IGSF5: variants seen among roughly 807,000 people sequenced by gnomAD.
The protein encoded by IGSF5 is immunoglobulin superfamily member 5, also known as immunoglobulin superfamily 5 like.
A neutral mutation model predicts 39.4 loss-of-function variants in IGSF5; 41 were observed. The observed-to-expected ratio is 1.04, with a 90% confidence interval of 0.81 to 1.35. The LOEUF (loss-of-function observed/expected upper bound fraction) is 1.35, where lower values mean the gene tolerates loss of function less well. IGSF5 is among the 40% of genes most tolerant of loss of function. The probability of loss-of-function intolerance (pLI) is 0.00; values close to 1 mark genes in which losing one functional copy is unlikely to be tolerated. For missense variants in IGSF5, 487 were observed against 494.6 expected (o/e 0.98, Z 0.15); for synonymous variants, 183 against 175.3 (o/e 1.04, Z -0.34).
chr21:39,772,358 C>A (rs2146283511), intron 4 of IGSF5, among the ~76,000 whole-genome samples: 1 of 152,304 alleles, frequency 6.6e-6, no homozygotes, highest in African/African-American at 2.4e-5. Flanking sequence ...GCAACTCTGC[C>A]CACCGTGTGA....
chr21:39,760,390 A>C (rs1378287589), intron 2 of IGSF5, among the ~76,000 whole-genome samples: 1 of 152,190 alleles, frequency 6.6e-6, no homozygotes, highest in Non-Finnish European at 1.5e-5. Context: ...TACTGTGACA[A>C]TTGTAACCCC....
chr21:39,775,118 C>T (rs766019539), intron 4 of IGSF5, among the ~76,000 whole-genome samples: 15 of 151,842 alleles, frequency 9.9e-5, no homozygotes, highest in Admixed American at 6.6e-5. Flanking sequence ...AATGGGCAGC[C>T]AGGATTGGGG....
intron 4 of IGSF5, among the ~76,000 whole-genome samples, chr21:39,777,336 C>G (rs573119045): frequency 6.6e-6 from 1 of 152,336 alleles, no homozygotes; most frequent in East Asian, 1.9e-4. Flanking sequence ...GGGTCACCAA[C>G]TATCTGCATC....
the IGSF5 span, among the ~76,000 whole-genome samples, chr21:39,721,914 C>T: frequency 1.3e-5 from 2 of 152,188 alleles, no homozygotes; most frequent in African/African-American, 4.8e-5. Context: ...GGTGAGCACA[C>T]TTACTTTGTA....
chr21:39,779,491 T>A (rs2080158813), intron 5 of IGSF5, among the ~76,000 whole-genome samples, 186 bp downstream of exon 5: 1 of 152,224 alleles, frequency 6.6e-6, no homozygotes, highest in African/African-American at 2.4e-5. Flanking sequence ...GGAAACAGTA[T>A]GGAGGTTCCC....
chr21:39,750,523 A>G (rs79760155), intron 2 of IGSF5, among the ~76,000 whole-genome samples: 3 of 151,272 alleles, frequency 2.0e-5, no homozygotes, highest in African/African-American at 2.4e-5. Context: ...AAAAAAAAAA[A>G]AAAGCAGTTC....
chr21:39,801,206 G>T (rs2087026501), intron 8 of IGSF5, 56 bp from the exon 9 acceptor site: 3 of 1,264,902 alleles, frequency 2.4e-6, no homozygotes, highest in African/African-American at 1.5e-5. Context: ...TTTCAAGTTT[G>T]CATTTTACAG....
At chr21:39,789,395 G>A (rs922895984) in intron 6 of IGSF5, among the ~76,000 whole-genome samples, 1 of 152,164 alleles carries the variant, frequency 6.6e-6, no homozygotes, top group East Asian at 1.9e-4. Context: ...TTTTTTGTCT[G>A]AATGTGAACT....
At chr21:39,714,548 C>G in the IGSF5 span, among the ~76,000 whole-genome samples, 3 of 152,126 alleles carry the variant, frequency 2.0e-5, no homozygotes, top group African/African-American at 7.2e-5. Flanking sequence ...GTCCTGGAGG[C>G]CAGAAGCCTG....
At chr21:39,788,678 C>T (rs1338573509) in intron 6 of IGSF5, among the ~76,000 whole-genome samples, 1 of 152,158 alleles carries the variant, frequency 6.6e-6, no homozygotes, top group East Asian at 1.9e-4. Context: ...GCGGACAGGA[C>T]GGAAAAATTC....
At chr21:39,732,515 G>T in the IGSF5 span, among the ~76,000 whole-genome samples, 1 of 152,154 alleles carries the variant, frequency 6.6e-6, no homozygotes, top group Non-Finnish European at 1.5e-5. Flanking sequence ...CTTAGATATA[G>T]GGGGATTTAT....
intron 7 of IGSF5, 56 bp from the exon 8 acceptor site, chr21:39,793,478 A>G (rs2086977078): frequency 1.4e-5 from 18 of 1,298,448 alleles, no homozygotes; most frequent in South Asian, 3.6e-5. Flanking sequence ...GAATTGTTAG[A>G]GCACACAGCT....
At chr21:39,770,645 C>T (rs2080109054) in intron 3 of IGSF5, among the ~76,000 whole-genome samples, 1 of 150,780 alleles carries the variant, frequency 6.6e-6, no homozygotes, top group South Asian at 2.1e-4. Context: ...CCCCTGGTTT[C>T]TGACTTTTAT....
the IGSF5 span, among the ~76,000 whole-genome samples, chr21:39,724,613 G>A: frequency 2.0e-5 from 3 of 152,178 alleles, no homozygotes; most frequent in African/African-American, 7.2e-5. Context: ...ATGACTGTGA[G>A]GCTTCCCCAG....
chr21:39,754,121 G>A (rs1433648933), intron 2 of IGSF5, among the ~76,000 whole-genome samples: 2 of 152,112 alleles, frequency 1.3e-5, no homozygotes, highest in African/African-American at 4.8e-5. Flanking sequence ...TTCTATTTGG[G>A]TGCATATCAA....
chr21:39,753,884 G>C (rs1332387598), intron 2 of IGSF5, among the ~76,000 whole-genome samples: 1 of 151,772 alleles, frequency 6.6e-6, no homozygotes, highest in African/African-American at 2.4e-5. Context: ...TTAGGTGTTA[G>C]CTGAATCTCT....
upstream of IGSF5, among the ~76,000 whole-genome samples, chr21:39,743,499 C>T (rs1312823521): frequency 2.0e-5 from 3 of 152,224 alleles, no homozygotes; most frequent in African/African-American, 7.2e-5. Context: ...CTGAATTCTC[C>T]TCCTCCCGCT....
chr21:39,765,855 G>A lies in IGSF5; in HGVS notation c.418+3G>A, dbSNP rs755943125. On this transcript the variant is annotated splice_donor_region_variant and intron_variant, in intron 3 of 8. Transcript: ENST00000380588. The stretch of plus-strand genomic sequence containing the variant: ...ATCTGCTTACCTTACCGTCCAAGGT[G>A]TGTATGCAGGTGGCTTCTGAAGTCC... 1.9e-6 allele frequency: 3 copies of A among 1,605,112 alleles called. No individual in the cohort carries two copies. The highest frequency in any genetic ancestry group is 2.6e-6 in the Non-Finnish European group (3 of 1,172,794).
At chr21:39,773,659 A>G (rs1321679300) in intron 4 of IGSF5, among the ~76,000 whole-genome samples, 1 of 152,114 alleles carries the variant, frequency 6.6e-6, no homozygotes, top group Non-Finnish European at 1.5e-5. Flanking sequence ...TGGACCAGTA[A>G]GGTGTTCCAG....
Sources: allele counts gnomAD v4.1 joint callset (sites outside exome capture counted in the v4.1 genomes callset), GRCh38; gene constraint gnomAD v4.1.1; transcripts MANE v1.5; gene names NCBI Gene and HGNC (gene_info 2026-07-23, HGNC 2026-07-21).